RARB: variants seen among roughly 807,000 people sequenced by gnomAD.
RARB encodes the protein retinoic acid receptor beta, also known as HBV-activated protein.
In RARB, 17 loss-of-function variants were observed where a neutral mutation model predicts 51.9. The observed-to-expected ratio is 0.33, with a 90% CI of 0.22 to 0.49. The LOEUF is 0.49. Ranked by LOEUF, RARB falls within the 20% of genes least tolerant of loss-of-function variation. RARB has a pLI of 0.99. For synonymous variants in RARB, 215 were observed against 195.4 expected (o/e 1.10, Z -0.84); for missense variants, 369 against 550.8 (o/e 0.67, Z 3.30).
chr3:25,254,302 A>G (rs1031946962), intron 5 of RARB, among the ~76,000 whole-genome samples: 1 of 152,172 alleles, frequency 6.6e-6, no homozygotes, highest in Non-Finnish European at 1.5e-5. Flanking sequence ...CCCATTATTG[A>G]GAAACAGTTG....
intron 4 of RARB, among the ~76,000 whole-genome samples, chr3:25,162,279 T>C (rs1690898167): frequency 6.6e-6 from 1 of 152,158 alleles, no homozygotes; most frequent in African/African-American, 2.4e-5. Context: ...AAATTTTTTA[T>C]TTTTATTTTT....
At chr3:25,086,917 A>G (rs1173505186) in intron 3 of RARB, among the ~76,000 whole-genome samples, 1 of 152,158 alleles carries the variant, frequency 6.6e-6, no homozygotes, top group Non-Finnish European at 1.5e-5. Context: ...TCAGACTTAG[A>G]AAGGTGCCAG....
At chr3:25,163,504 A>AAAAAAAAAAAAAAAATAT (rs1303712411) in intron 4 of RARB, among the ~76,000 whole-genome samples, 36 of 131,116 alleles carry the variant, frequency 2.7e-4, no homozygotes, top group African/African-American at 1.1e-3. Context: ...CCTATCTCAA[A>AAAAAAAAAAAAAAAATAT]ATATATATAT....
chr3:25,591,590 C>A (rs749385740), intron 5 of RARB, among the ~76,000 whole-genome samples: 2 of 152,088 alleles, frequency 1.3e-5, no homozygotes, highest in Non-Finnish European at 1.5e-5. Flanking sequence ...AGATTTGTTT[C>A]CCCAGCTAAT....
chr3:24,973,237 T>C (rs1452952591), intron 2 of RARB, among the ~76,000 whole-genome samples: 1 of 152,108 alleles, frequency 6.6e-6, no homozygotes, highest in Non-Finnish European at 1.5e-5. Flanking sequence ...GAGACTGATC[T>C]TTCCCATTGT....
chr3:24,968,677 T>G (rs940092187), intron 2 of RARB, among the ~76,000 whole-genome samples: 3 of 152,102 alleles, frequency 2.0e-5, no homozygotes, highest in African/African-American at 4.8e-5. Flanking sequence ...AACCCAGACT[T>G]GCTCACAGGG....
chr3:25,426,455 A>G (rs1236280092), upstream of RARB, among the ~76,000 whole-genome samples: 1 of 152,248 alleles, frequency 6.6e-6, no homozygotes, highest in East Asian at 1.9e-4. Flanking sequence ...TGTGCGATGC[A>G]TACTTTTCAT....
chr3:25,364,423 C>T (rs1054501212), intron 5 of RARB, among the ~76,000 whole-genome samples: 1 of 152,214 alleles, frequency 6.6e-6, no homozygotes, highest in Admixed American at 6.5e-5. Context: ...GAATAATGCA[C>T]ATCTGCAAAT....
chr3:25,032,765 C>T (rs768387956), intron 2 of RARB, among the ~76,000 whole-genome samples: 34 of 152,280 alleles, frequency 2.2e-4, no homozygotes, highest in Admixed American at 3.9e-4. Context: ...TGCAACTGAA[C>T]CCACCCTTTG....
intron 2 of RARB, among the ~76,000 whole-genome samples, chr3:24,973,979 A>T (rs541749595): frequency 6.6e-6 from 1 of 152,176 alleles, no homozygotes; most frequent in African/African-American, 2.4e-5. Flanking sequence ...CAGAACTTTC[A>T]GTACTGTGTT....
intron 2 of RARB, among the ~76,000 whole-genome samples, chr3:25,048,494 C>T (rs1039484124): frequency 6.6e-6 from 1 of 152,152 alleles, no homozygotes; most frequent in African/African-American, 2.4e-5. Context: ...GGGCTTATTT[C>T]ATTATACAGG....
At chr3:24,877,439 G>T (rs1450199802) in intron 2 of RARB, among the ~76,000 whole-genome samples, 1 of 139,182 alleles carries the variant, frequency 7.2e-6, no homozygotes, top group Non-Finnish European at 1.5e-5. Context: ...TAAAAGTAGA[G>T]TGCAGGTATG....
At chr3:25,371,405 T>C (rs1259092860) in intron 5 of RARB, among the ~76,000 whole-genome samples, 1 of 152,234 alleles carries the variant, frequency 6.6e-6, no homozygotes, top group Non-Finnish European at 1.5e-5. Context: ...TCAGATTTAA[T>C]TTCTTGGGAG....
chr3:25,375,113 C>G (rs1387870381), intron 5 of RARB, among the ~76,000 whole-genome samples: 1 of 152,148 alleles, frequency 6.6e-6, no homozygotes, highest in Non-Finnish European at 1.5e-5. Context: ...GCCACCAAAA[C>G]TGTGTTACAG....
At chr3:25,091,153 C>A (rs1041694198) in intron 3 of RARB, among the ~76,000 whole-genome samples, 3 of 152,142 alleles carry the variant, frequency 2.0e-5, no homozygotes, top group Non-Finnish European at 2.9e-5. Flanking sequence ...ACAAGTCAGT[C>A]CCCTGGGCAA....
intron 5 of RARB, among the ~76,000 whole-genome samples, chr3:25,257,898 A>G (rs1201413623): frequency 6.6e-6 from 1 of 152,068 alleles, no homozygotes; most frequent in East Asian, 1.9e-4. Context: ...TCAAAGCACA[A>G]ATCATGTGTC....
At chr3:25,467,945 G>C (rs1695510244) in intron 2 of RARB, among the ~76,000 whole-genome samples, 1 of 152,102 alleles carries the variant, frequency 6.6e-6, no homozygotes, top group African/African-American at 2.4e-5. Context: ...ACAATAAACA[G>C]AATGGTCTAA....
intron 2 of RARB, among the ~76,000 whole-genome samples, chr3:25,038,076 T>C (rs1401802698): frequency 1.3e-5 from 2 of 152,310 alleles, no homozygotes; most frequent in East Asian, 3.9e-4. Flanking sequence ...ACTTAGCTAT[T>C]AACTGTCATG....
At chr3:25,246,154 G>A (rs562373651) in intron 5 of RARB, among the ~76,000 whole-genome samples, 1 of 152,076 alleles carries the variant, frequency 6.6e-6, no homozygotes, top group South Asian at 2.1e-4. Context: ...CTTGTGCTGT[G>A]TTTTTCAGCT....
Sources: allele counts gnomAD v4.1 joint callset (sites outside exome capture counted in the v4.1 genomes callset), GRCh38; gene constraint gnomAD v4.1.1; transcripts MANE v1.5; gene names NCBI Gene and HGNC (gene_info 2026-07-23, HGNC 2026-07-21).